Variants in PLCH1 observed in about 807,000 individuals in gnomAD.
PLCH1 encodes phospholipase C eta 1.
In PLCH1, 60 loss-of-function variants were observed where a neutral mutation model predicts 126.7. That is an observed-to-expected ratio of 0.47 (90% CI 0.38 to 0.59). The LOEUF is 0.59. Ranked by LOEUF, PLCH1 falls within the 20% of genes least tolerant of loss-of-function variation. The probability of loss-of-function intolerance (pLI) is 0.00; values close to 1 mark genes in which losing one functional copy is unlikely to be tolerated. For synonymous variants in PLCH1, 719 were observed against 734.9 expected (o/e 0.98, Z 0.35); for missense variants, 1,723 against 2,040.0 (o/e 0.84, Z 2.99).
chr3:155,467,245 T>C (rs1279911678), intron 21 of PLCH1, among the ~76,000 whole-genome samples: 1 of 150,954 alleles, frequency 6.6e-6, no homozygotes, highest in Admixed American at 6.6e-5. Flanking sequence ...TCAGTAGAAG[T>C]CTTCTGACCA....
chr3:155,471,980 G>C (rs911863780), intron 21 of PLCH1, among the ~76,000 whole-genome samples: 1 of 152,014 alleles, frequency 6.6e-6, no homozygotes, highest in Non-Finnish European at 1.5e-5. Context: ...AAGCAGGAAA[G>C]ATCCAAAATT....
chr3:155,549,154 A>G (rs548878475), intron 10 of PLCH1, among the ~76,000 whole-genome samples: 2 of 152,328 alleles, frequency 1.3e-5, no homozygotes, highest in South Asian at 2.1e-4. Flanking sequence ...AACTGAAAGA[A>G]CTGTCTTTCT....
At chr3:155,654,731 T>C (rs1741153224) in intron 2 of PLCH1, among the ~76,000 whole-genome samples, 1 of 152,192 alleles carries the variant, frequency 6.6e-6, no homozygotes. Context: ...CATGTAATAA[T>C]ATCATGACTG....
At chr3:155,454,060 T>C (rs1285730951) in intron 21 of PLCH1, among the ~76,000 whole-genome samples, 1 of 152,138 alleles carries the variant, frequency 6.6e-6, no homozygotes, top group Non-Finnish European at 1.5e-5. Flanking sequence ...ACCATAATAG[T>C]GATATAGTAT....
rs1745998912 is a variant in PLCH1, at chr3:155,698,483, G to C, written c.79+5663C>G. On this transcript the variant is annotated intron_variant, in intron 2 of 22. Transcript: ENST00000460012. ...GAATGGATGGCTATGATTTCCCTCA[G>C]ACAGGGGAAGAAGAAAAGGAGATAA... is the stretch of plus-strand genomic sequence containing the variant. 2.0e-5 allele frequency among the ~76,000 whole-genome samples: 3 copies of C among 152,166 alleles called. No individual in the cohort carries two copies. The South Asian group carries it at 6.2e-4, about 32-fold the overall frequency.
rs139249747 is a variant in PLCH1, at chr3:155,462,267, C to G, written c.2938+23089G>C. On this transcript the variant is annotated intron_variant, in intron 21 of 21. Transcript: ENST00000494598. ...CTCACTGAGGCACCTCGTGGCGACT[C>G]TGTGACCAGTGAAACTTGTAAATGG... is the stretch of plus-strand genomic sequence containing the variant. Among the ~76,000 whole-genome samples, 1,348 of 152,286 alleles carry G rather than the reference C, an allele frequency of 8.9e-3. 14 individuals carry two copies. Among genetic ancestry groups the G allele is most frequent in the South Asian group, 0.053 (254 of 4,830 alleles).
intron 1 of PLCH1, among the ~76,000 whole-genome samples, chr3:155,705,373 T>A (rs1746584145): frequency 6.6e-6 from 1 of 152,182 alleles, no homozygotes; most frequent in Admixed American, 6.5e-5. Context: ...GCCTTTTCTC[T>A]GGCTCCGTGC....
chr3:155,696,906 C>T (rs1273524460), intron 2 of PLCH1, among the ~76,000 whole-genome samples: 1 of 152,204 alleles, frequency 6.6e-6, no homozygotes, highest in Admixed American at 6.5e-5. Context: ...CAGCAATAGG[C>T]TTGTTTCAGA....
chr3:155,506,599 G>A lies in PLCH1; in HGVS notation c.1633-1973C>T, dbSNP rs1388046847. On this transcript the variant is annotated intron_variant, in intron 12 of 22. Transcript: ENST00000460012. ...TTCCCACCTATGAGTGAGAATATGCGGTGTTTGGTTTTTTGTTCTTGCGAT... is the reference window on the plus strand; with the variant it reads ...TTCCCACCTATGAGTGAGAATATGCAGTGTTTGGTTTTTTGTTCTTGCGAT... 1.7e-4 allele frequency among the ~76,000 whole-genome samples: 23 copies of A among 132,998 alleles called. No individual in the cohort carries two copies. The South Asian group carries it at 3.8e-3, about 22-fold the overall frequency. The allele number at this position is 132,998 out of a possible 152,430, so 87.3% of individuals were successfully genotyped here. A position where few individuals can be genotyped will look rare whatever the true frequency, so the allele number is the denominator to read the frequency against.
At chr3:155,726,521 T>C (rs1313912866) in intron 1 of PLCH1, among the ~76,000 whole-genome samples, 2 of 152,208 alleles carry the variant, frequency 1.3e-5, no homozygotes, top group Non-Finnish European at 2.9e-5. Context: ...TTTGTCTATG[T>C]GTGGATTTCT....
intron 2 of PLCH1, among the ~76,000 whole-genome samples, chr3:155,619,498 T>TTAAAAAAAAAAAAAAAA (rs200522384): frequency 7.5e-6 from 1 of 133,516 alleles, no homozygotes; most frequent in East Asian, 2.1e-4. Context: ...ACAGAAAAAG[T>TTAAAAAAAAAAAAAAAA]AAAAAAAAAA....
chr3:155,472,002 A>G (rs1713274825), intron 21 of PLCH1, among the ~76,000 whole-genome samples: 1 of 152,336 alleles, frequency 6.6e-6, no homozygotes, highest in African/African-American at 2.4e-5. Context: ...ACACCCCAAC[A>G]TCACAATTAA....
chr3:155,623,543 C>A (rs1425780518), intron 2 of PLCH1, among the ~76,000 whole-genome samples: 1 of 152,032 alleles, frequency 6.6e-6, no homozygotes, highest in Non-Finnish European at 1.5e-5. Flanking sequence ...AAAGAAGAAT[C>A]AAATAGACGT....
intron 21 of PLCH1, among the ~76,000 whole-genome samples, chr3:155,450,965 C>T (rs2107963951): frequency 6.6e-6 from 1 of 152,072 alleles, no homozygotes; most frequent in African/African-American, 2.4e-5. Flanking sequence ...TTATACAAAC[C>T]TTACATACCT....
chr3:155,587,440 A>T (rs1462571372), intron 4 of PLCH1, among the ~76,000 whole-genome samples: 1 of 152,216 alleles, frequency 6.6e-6, no homozygotes, highest in Non-Finnish European at 1.5e-5. Context: ...AAAAATTAGT[A>T]TGAGAACCAG....
intron 1 of PLCH1, among the ~76,000 whole-genome samples, chr3:155,731,254 C>G (rs1242222081): frequency 2.0e-5 from 3 of 152,210 alleles, no homozygotes; most frequent in Non-Finnish European, 4.4e-5. Flanking sequence ...AGGTACCAGA[C>G]TCATCACAGC....
At chr3:155,461,251 C>T (rs2107973591) in intron 21 of PLCH1, among the ~76,000 whole-genome samples, 1 of 152,266 alleles carries the variant, frequency 6.6e-6, no homozygotes, top group South Asian at 2.1e-4. Context: ...ACAGACATAT[C>T]ACAAGTTAGA....
At chr3:155,553,852 T>C (rs528278367) in intron 9 of PLCH1, among the ~76,000 whole-genome samples, 4 of 152,320 alleles carry the variant, frequency 2.6e-5, no homozygotes, top group African/African-American at 9.6e-5. Context: ...AGGAGGCATA[T>C]TGAGAAAGAA....
downstream of PLCH1, among the ~76,000 whole-genome samples, chr3:155,477,329 G>C (rs1029877524): frequency 6.6e-6 from 1 of 151,996 alleles, no homozygotes; most frequent in African/African-American, 2.4e-5. Flanking sequence ...CCAGGACATT[G>C]GTCTAGGCAA....
Sources: gnomAD v4.1 joint callset for allele counts (sites outside exome capture counted in the v4.1 genomes callset) on GRCh38, gnomAD v4.1.1 for gene constraint, MANE v1.5 for transcripts, NCBI Gene and HGNC (gene_info 2026-07-23, HGNC 2026-07-21) for gene names.